The following KPNA5 variants were observed in gnomAD, a reference collection of about 807,000 sequenced individuals.
The protein encoded by KPNA5 is importin subunit alpha-6.
KPNA5 carries 46 observed loss-of-function variants against 71.3 expected under a neutral mutation model. The observed-to-expected ratio is 0.65, with a 90% CI of 0.51 to 0.83. The LOEUF (loss-of-function observed/expected upper bound fraction) is 0.83. Ranked by LOEUF, KPNA5 falls within the 40% of genes least tolerant of loss-of-function variation. The pLI is 0.00. For synonymous variants in KPNA5, 207 were observed against 201.4 expected (o/e 1.03, Z -0.24); for missense variants, 547 against 628.3 (o/e 0.87, Z 1.38).
intron 10 of KPNA5, among the ~76,000 whole-genome samples, chr6:116,725,515 C>T (rs908962099): frequency 1.3e-5 from 2 of 152,090 alleles, no homozygotes; most frequent in Non-Finnish European, 2.9e-5. Flanking sequence ...ATGAAGGATA[C>T]ACCTCTGATT....
intron 5 of KPNA5, 97 bp from the exon 6 acceptor site, chr6:116,701,922 A>T: frequency 1.8e-6 from 2 of 1,084,246 alleles, no homozygotes; most frequent in African/African-American, 1.6e-5. Context: ...AGTCTTTCAC[A>T]CTTGTCCTGG....
intron 7 of KPNA5, among the ~76,000 whole-genome samples, chr6:116,714,557 A>G (rs1332968100): frequency 6.6e-6 from 1 of 152,114 alleles, no homozygotes; most frequent in Non-Finnish European, 1.5e-5. Context: ...TGCCCTGGAC[A>G]TGTGCATGGG....
At position 116,734,099 on chromosome 6, in the gene KPNA5, T is replaced by A. The variant is rs1372436422; in HGVS notation, c.*1776T>A. 1 of 151,752 alleles carries A rather than the reference T, an allele frequency of 6.6e-6. No individual in the cohort carries two copies. Among genetic ancestry groups the A allele is most frequent in the Non-Finnish European group, 1.5e-5 (1 of 67,744 alleles). 9.4% of individuals were successfully genotyped at this position (151,752 alleles called of 1,614,324 possible). Reference sequence around the variant, plus strand: ...TATAAAATGGTTTTCTTTTGCATTATCTGTATTCAAAAAACAGGGTAGTTA... The same window carrying A: ...TATAAAATGGTTTTCTTTTGCATTAACTGTATTCAAAAAACAGGGTAGTTA... On this transcript the variant is annotated 3_prime_UTR_variant, in exon 14 of 14. Coordinates refer to ENST00000368564, the MANE Select transcript of KPNA5 (RefSeq NM_001366306.2).
chr6:116,729,795 C>A, intron 13 of KPNA5, 54 bp downstream of exon 13: 1 of 1,138,286 alleles, frequency 8.8e-7, no homozygotes, highest in Non-Finnish European at 1.2e-6. Flanking sequence ...ATCTGTCATA[C>A]TTTCCCCTTC....
chr6:116,699,025 T>C (rs1778135307), intron 5 of KPNA5, among the ~76,000 whole-genome samples: 2 of 152,110 alleles, frequency 1.3e-5, no homozygotes, highest in Admixed American at 6.5e-5. Context: ...ATAAAATCAT[T>C]ACTAATGTTA....
intron 13 of KPNA5, among the ~76,000 whole-genome samples, chr6:116,729,983 C>A (rs1219570511): frequency 1.4e-5 from 2 of 147,522 alleles, no homozygotes; most frequent in African/African-American, 5.0e-5. Flanking sequence ...GTTTTATGTT[C>A]TACTTTTTAA....
chr6:116,692,523 T>C (rs746718861), intron 4 of KPNA5, 131 bp downstream of exon 4: 2 of 606,716 alleles, frequency 3.3e-6, no homozygotes, highest in Non-Finnish European at 5.7e-6. Flanking sequence ...CTGCAAAATA[T>C]ATTGTAAAGT....
chr6:116,701,780 A>G (rs944493656), intron 5 of KPNA5, among the ~76,000 whole-genome samples: 3 of 152,024 alleles, frequency 2.0e-5, no homozygotes, highest in African/African-American at 4.8e-5. Flanking sequence ...TTTTCATTAT[A>G]TTTTTCTCAG....
At chr6:116,711,269 T>G (rs28775961) in intron 7 of KPNA5, among the ~76,000 whole-genome samples, 1 of 147,052 alleles carries the variant, frequency 6.8e-6, no homozygotes, top group South Asian at 2.2e-4. Flanking sequence ...TTTTTTTTTT[T>G]TGGGTCAAAG....
chr6:116,719,709 T>G (rs1426909586), intron 8 of KPNA5, among the ~76,000 whole-genome samples: 2 of 152,018 alleles, frequency 1.3e-5, no homozygotes, highest in African/African-American at 4.8e-5. Context: ...ATTAGCTGAC[T>G]GTGGTAGCAC....
In KPNA5 at chr6:116,725,878, T is replaced by TAAC. The variant is rs1297436849; in HGVS notation, c.1125+3_1125+5dup. On this transcript the variant is annotated splice_region_variant and intron_variant, in intron 11 of 13. Coordinates refer to ENST00000368564, the MANE Select transcript of KPNA5 (RefSeq NM_001366306.2). ...GCTGGAAATAGAGCTCAGATTCAGG[T>TAAC]AACTACCCTTCAGATCTGAGAGTAG... is the stretch of plus-strand genomic sequence containing the variant. The TAAC allele has an allele frequency of 1.2e-6, 2 of 1,612,114 alleles. No individual in the cohort carries two copies. Among genetic ancestry groups the TAAC allele is most frequent in the Non-Finnish European group, 1.7e-6 (2 of 1,179,138 alleles).
chr6:116,726,345 T>G (rs1375118302), intron 11 of KPNA5, 150 bp from the exon 12 acceptor site: 1 of 612,090 alleles, frequency 1.6e-6, no homozygotes, highest in Non-Finnish European at 2.7e-6. Flanking sequence ...ATTTGAAAAG[T>G]TTGCTGACAG....
At chr6:116,726,685 T>A in intron 12 of KPNA5, 63 bp downstream of exon 12, 1 of 1,332,842 alleles carries the variant, frequency 7.5e-7, no homozygotes, top group Non-Finnish European at 1.0e-6. Context: ...AAATAAAACA[T>A]ATTTTAATTT....
chr6:116,703,305 C>A (rs907955509), intron 6 of KPNA5, among the ~76,000 whole-genome samples: 1 of 151,646 alleles, frequency 6.6e-6, no homozygotes, highest in Non-Finnish European at 1.5e-5. Flanking sequence ...TCTCGTCCCC[C>A]ACGCTGGAAT....
chr6:116,709,381 A>G (rs1271104768), intron 7 of KPNA5, among the ~76,000 whole-genome samples: 1 of 151,994 alleles, frequency 6.6e-6, no homozygotes, highest in Non-Finnish European at 1.5e-5. Flanking sequence ...TATTTTTGGT[A>G]GAAATGGAGT....
rs1779700241 is a variant in KPNA5 at position 116,737,135 on chromosome 6, A to T, written c.*4812A>T. ...CTTAACACAAGTTACTAGGGGAAAAAATGTGATCCTTTAAAGGCTTGCTTT... is the reference window on the plus strand; with the variant it reads ...CTTAACACAAGTTACTAGGGGAAAATATGTGATCCTTTAAAGGCTTGCTTT... On this transcript the variant is annotated 3_prime_UTR_variant, in exon 14 of 14. Coordinates refer to ENST00000368564, the MANE Select transcript of KPNA5 (RefSeq NM_001366306.2). The T allele has an allele frequency of 6.6e-6, 1 of 151,954 alleles. No homozygotes were observed. Among genetic ancestry groups the T allele is most frequent in the Non-Finnish European group, 1.5e-5 (1 of 67,930 alleles). The allele number at this position is 151,954 out of a possible 1,614,324, so 9.4% of individuals were successfully genotyped here.
Sources: gnomAD v4.1 joint callset for allele counts (sites outside exome capture counted in the v4.1 genomes callset) on GRCh38, gnomAD v4.1.1 for gene constraint, MANE v1.5 for transcripts, NCBI Gene and HGNC (gene_info 2026-07-23, HGNC 2026-07-21) for gene names.